TPO: variants seen among roughly 807,000 people sequenced by gnomAD.
TPO encodes thyroid microsomal antigen.
Under a neutral mutation model 96.9 loss-of-function variants are expected in TPO, and 78 were observed. That is an observed-to-expected ratio of 0.81 (90% CI 0.67 to 0.97). TPO has a LOEUF of 0.97. TPO is among the 50% of genes least tolerant of loss of function. TPO has a pLI of 0.00. For synonymous variants in TPO, 547 were observed against 538.0 expected (o/e 1.02, Z -0.23); for missense variants, 1,252 against 1,274.8 (o/e 0.98, Z 0.27).
chr2:1,492,728 C>T lies in TPO; in HGVS notation c.1769-1074C>T, dbSNP rs540948973. Among the ~76,000 whole-genome samples the T allele has an allele frequency of 3.9e-5, 6 of 152,312 alleles. No individual in the cohort carries two copies. The East Asian group carries it at 1.2e-3, about 29-fold the overall frequency. On this transcript the variant is annotated intron_variant, in intron 10 of 16. Transcript: ENST00000329066. ...AGCCCAGTGCTCACATGTTGCTGTG[C>T]GTGTGCTTGTCCAGGACTTCTGCTG...
At chr2:1,505,011 C>A (rs1383202191) in intron 14 of TPO, among the ~76,000 whole-genome samples, 1 of 152,166 alleles carries the variant, frequency 6.6e-6, no homozygotes, top group African/African-American at 2.4e-5. Flanking sequence ...GACTCAACTG[C>A]ATTGAGGAGC....
At chr2:1,413,243 C>G (rs1216698545), upstream of TPO, among the ~76,000 whole-genome samples, 1 of 152,176 alleles carries the variant, frequency 6.6e-6, no homozygotes, top group African/African-American at 2.4e-5. Context: ...TTCCCCTCTT[C>G]TTCCTAACTC....
In TPO at chr2:1,484,697, TG is replaced by T; in HGVS notation, c.1441del (p.Val481CysfsTer21). ...EGYDSTANPTVSNVFSTAAFR... is the reference protein window; with the variant it reads ...EGYDSTANPTXSNVFSTAAFR... ...GCTATGACTCCACCGCCAACCCCAC[TG>T]TGTCCAACGTGTTCTCCACAGCCGC... On this transcript the variant is annotated frameshift_variant, in exon 9 of 17. Coordinates refer to ENST00000329066, the MANE Select transcript of TPO (RefSeq NM_001206744.2). LOFTEE classifies it high-confidence loss of function. The T allele has an allele frequency of 3.1e-6, 5 of 1,614,116 alleles. No individual in the cohort carries two copies. The highest frequency in any genetic ancestry group is 4.2e-6 in the Non-Finnish European group (5 of 1,180,026).
At chr2:1,510,468 C>A (rs1673986049) in intron 14 of TPO, among the ~76,000 whole-genome samples, 1 of 152,174 alleles carries the variant, frequency 6.6e-6, no homozygotes, top group African/African-American at 2.4e-5. Context: ...GAAGCCACCA[C>A]CCTCCATCCC....
intron 15 of TPO, among the ~76,000 whole-genome samples, chr2:1,537,857 TCTCAAATCCCCCCCACTGTGTGCAAC>T (rs1428470407): frequency 0.028 from 490 of 17,662 alleles, 5 homozygotes; most frequent in African/African-American, 0.077. Context: ...CTGTGTGCAA[TCTCAAATCCCCCCCACTGTGTGCAAC>T]CTCCTCAAAT....
At chr2:1,467,157 G>A (rs1038316905) in intron 7 of TPO, among the ~76,000 whole-genome samples, 11 of 151,846 alleles carry the variant, frequency 7.2e-5, no homozygotes, top group African/African-American at 2.7e-4. Context: ...AGGCTGGAGT[G>A]TAGTGGCACA....
chr2:1,529,157 T>A (rs35224341), intron 15 of TPO, among the ~76,000 whole-genome samples: 1 of 66,658 alleles, frequency 1.5e-5, no homozygotes, highest in Non-Finnish European at 2.5e-5. Flanking sequence ...GCAACCTCCC[T>A]GAATCCCCCC....
chr2:1,380,859 C>A (rs1049974462), intron 1 of TPO, among the ~76,000 whole-genome samples: 30 of 152,284 alleles, frequency 2.0e-4, no homozygotes, highest in Admixed American at 1.9e-3. Flanking sequence ...GTGGCATCTG[C>A]TTCTATGGAG....
At chr2:1,424,169 A>G (rs115460285) in intron 3 of TPO, among the ~76,000 whole-genome samples, 94 of 152,370 alleles carry the variant, frequency 6.2e-4, no homozygotes, top group Middle Eastern at 6.8e-3. Flanking sequence ...ACATCAATCA[A>G]TACGTGTCAG....
rs28913010 is a variant in TPO at position 1,516,562 on chromosome 2, C to T, written c.2519-321C>T. ...TGGTCCACTCCGAGGGCACTGAGAGCCCTCCCTGGTTTGGGCAGCAAGGTG... is the reference window on the plus strand; with the variant it reads ...TGGTCCACTCCGAGGGCACTGAGAGTCCTCCCTGGTTTGGGCAGCAAGGTG... On this transcript the variant is annotated intron_variant, in intron 14 of 16. Transcript: ENST00000329066. 4.2e-3 allele frequency among the ~76,000 whole-genome samples: 638 copies of T among 152,334 alleles called. 18 individuals are homozygous for T. The highest frequency in any genetic ancestry group is 0.029 in the Admixed American group (441 of 15,310).
At chr2:1,400,898 CAT>C (rs1303601802) in intron 1 of TPO, among the ~76,000 whole-genome samples, 3 of 152,200 alleles carry the variant, frequency 2.0e-5, no homozygotes, top group Non-Finnish European at 4.4e-5. Context: ...CCTTTCTAAT[CAT>C]GTATCCTTGT....
intron 15 of TPO, 110 bp downstream of exon 15, chr2:1,517,092 G>A: frequency 1.8e-6 from 2 of 1,082,406 alleles, no homozygotes; most frequent in Non-Finnish European, 2.7e-6. Context: ...CAGGTTACTG[G>A]TATCTCAAAG....
At chr2:1,538,513 A>G (rs3796122) in intron 15 of TPO, among the ~76,000 whole-genome samples, 2,692 of 152,348 alleles carry the variant, frequency 0.018, 74 homozygotes, top group East Asian at 0.13. Context: ...AGCTCTCTAG[A>G]TTGAAATAAG....
At chr2:1,512,354 A>G (rs779495606) in intron 14 of TPO, 17 of 980,208 alleles carry the variant, frequency 1.7e-5, no homozygotes, top group Non-Finnish European at 2.1e-5. Flanking sequence ...TTGCTAAGGA[A>G]TCCTCCTGCC....
intron 5 of TPO, among the ~76,000 whole-genome samples, chr2:1,448,489 G>T (rs915460128): frequency 2.6e-5 from 4 of 152,130 alleles, no homozygotes; most frequent in Admixed American, 1.3e-4. Flanking sequence ...CACCCACCTC[G>T]CAGGGTTGTT....
chr2:1,414,356 A>G (rs990263307), intron 1 of TPO, 52 bp from the exon 2 acceptor site: 8 of 1,547,990 alleles, frequency 5.2e-6, no homozygotes, highest in African/African-American at 1.4e-5. Flanking sequence ...AGCGGTTCCC[A>G]TGGCCTTGTC....
chr2:1,490,018 A>T (rs35500489), intron 10 of TPO, among the ~76,000 whole-genome samples: 3,429 of 63,984 alleles, frequency 0.054, 63 homozygotes, highest in African/African-American at 0.12. Context: ...AGCCGCCACG[A>T]GGGTCCCACA....
At chr2:1,537,336 A>AT (rs1679983328) in intron 15 of TPO, among the ~76,000 whole-genome samples, 1 of 85,502 alleles carries the variant, frequency 1.2e-5, no homozygotes, top group African/African-American at 4.8e-5. Flanking sequence ...ACCTCCCCAA[A>AT]TCCTCCACTC....
At chr2:1,413,704 A>C in intron 1 of TPO, 159 bp downstream of exon 1, 1 of 985,374 alleles carries the variant, frequency 1.0e-6, no homozygotes, top group Non-Finnish European at 1.2e-6. Flanking sequence ...TGCTGTTTGC[A>C]ATGACCTCCG....
Sources: allele counts gnomAD v4.1 joint callset (sites outside exome capture counted in the v4.1 genomes callset), GRCh38; gene constraint gnomAD v4.1.1; transcripts MANE v1.5; gene names NCBI Gene and HGNC (gene_info 2026-07-23, HGNC 2026-07-21).